Variants in NEK5 observed in about 807,000 individuals in gnomAD.
NEK5 encodes serine/threonine-protein kinase Nek5.
In NEK5, 88 loss-of-function variants were observed where a neutral mutation model predicts 109.2. That is an observed-to-expected ratio of 0.81 (90% CI 0.68 to 0.96). NEK5 has a LOEUF of 0.96. Ranked by LOEUF, NEK5 falls within the 40% of genes least tolerant of loss-of-function variation. The pLI, the probability that NEK5 is intolerant of heterozygous loss-of-function variation, is 0.00. For missense variants in NEK5, 834 were observed against 920.7 expected, an observed-to-expected ratio of 0.91 and a Z score of 1.22; for synonymous variants, 283 against 299.9, an observed-to-expected ratio of 0.94 and a Z score of 0.58.
chr13:52,064,322 C>T (rs1954649610), intron 21 of NEK5, among the ~76,000 whole-genome samples: 1 of 137,580 alleles, frequency 7.3e-6, no homozygotes, highest in Non-Finnish European at 1.6e-5. Context: ...AGCCCCTCTG[C>T]CTGGCCAGCC....
intron 23 of NEK5, among the ~76,000 whole-genome samples, chr13:52,047,844 A>C (rs1954472478): frequency 6.6e-6 from 1 of 152,220 alleles, no homozygotes; most frequent in Non-Finnish European, 1.5e-5. Flanking sequence ...TCCTGTCTCA[A>C]AACAAATGTT....
intron 8 of NEK5, among the ~76,000 whole-genome samples, 179 bp from the exon 9 acceptor site, chr13:52,104,731 C>T (rs1955617946): frequency 6.6e-6 from 1 of 152,090 alleles, no homozygotes; most frequent in South Asian, 2.1e-4. Flanking sequence ...AAAATGAAAA[C>T]CATTTGTAGT....
intron 4 of NEK5, among the ~76,000 whole-genome samples, chr13:52,115,114 G>T (rs559584937): frequency 6.6e-6 from 1 of 151,088 alleles, no homozygotes; most frequent in Non-Finnish European, 1.5e-5. Context: ...CTGGGTTCAC[G>T]CCATTCTCCT....
intron 9 of NEK5, among the ~76,000 whole-genome samples, chr13:52,103,020 T>C (rs2138015598): frequency 6.6e-6 from 1 of 152,346 alleles, no homozygotes; most frequent in South Asian, 2.1e-4. Flanking sequence ...TTTTTAAAAT[T>C]AACATAAACA....
chr13:52,089,157 C>T, intron 14 of NEK5, 90 bp downstream of exon 14: 1 of 812,176 alleles, frequency 1.2e-6, no homozygotes, highest in East Asian at 2.5e-5. Flanking sequence ...TCTTGACCTT[C>T]TGGTGGAATG....
intron 9 of NEK5, among the ~76,000 whole-genome samples, chr13:52,102,792 G>A (rs1040376451): frequency 1.4e-5 from 2 of 143,984 alleles, no homozygotes; most frequent in African/African-American, 4.9e-5. Flanking sequence ...AAGATGCCAT[G>A]TTATTTAAAA....
chr13:52,084,734 T>TGAGAGAGA (rs1170629594), intron 16 of NEK5, among the ~76,000 whole-genome samples: 6 of 110,076 alleles, frequency 5.5e-5, no homozygotes, highest in East Asian at 2.5e-4. Context: ...AGAGAGAGAG[T>TGAGAGAGA]GAGAGAGAGA....
rs377510689 is a variant in NEK5, at chr13:52,086,372, C to A, written c.1393-9G>T. On this transcript the variant is annotated splice_polypyrimidine_tract_variant and intron_variant, in intron 15 of 23. Coordinates refer to ENST00000684899, the MANE Select transcript of NEK5 (RefSeq NM_001365552.1). ...AACTGCTTCCAATATTCCTGGAAAG[C>A]AAACCCAATCCAGAAACTTTAAATG... The A allele has an allele frequency of 1.1e-4, 179 of 1,564,064 alleles. No individual in the cohort carries two copies. Among genetic ancestry groups the A allele is most frequent in the Non-Finnish European group, 1.5e-4 (171 of 1,135,176 alleles).
chr13:52,054,931 A>C (rs1020827901), intron 22 of NEK5, among the ~76,000 whole-genome samples: 1 of 149,244 alleles, frequency 6.7e-6, no homozygotes, highest in African/African-American at 2.5e-5. Flanking sequence ...CACCAGCAAC[A>C]GAACAAAGCT....
chr13:52,100,672 G>A (rs1437439026), intron 11 of NEK5, among the ~76,000 whole-genome samples: 1 of 151,960 alleles, frequency 6.6e-6, no homozygotes, highest in East Asian at 1.9e-4. Context: ...TCAGGAGTTC[G>A]AGACCAGCCT....
At chr13:52,101,757 A>G (rs994292844) in intron 11 of NEK5, among the ~76,000 whole-genome samples, 176 bp downstream of exon 11, 1 of 152,136 alleles carries the variant, frequency 6.6e-6, no homozygotes, top group Non-Finnish European at 1.5e-5. Flanking sequence ...CTAGATATAC[A>G]ACTTTCAGGC....
At chr13:52,065,187 G>C in intron 21 of NEK5, 1 of 489,944 alleles carries the variant, frequency 2.0e-6, no homozygotes, top group Non-Finnish European at 3.6e-6. Flanking sequence ...AGCTGGCCTT[G>C]GAAGGTAAAT....
At position 52,102,012 on chromosome 13, in the gene NEK5, G is replaced by T. The variant is rs1566801178; in HGVS notation, c.813C>A (p.Val271=). 1 of 1,613,952 alleles carries T rather than the reference G, an allele frequency of 6.2e-7. No individual in the cohort carries two copies. The highest frequency in any genetic ancestry group is 2.2e-5 in the East Asian group (1 of 44,878). The change falls in exon 11 of 24, where the codon GTC becomes GTA. Residue 271 remains valine, a splice_region_variant and synonymous_variant. Coordinates refer to ENST00000684899, the MANE Select transcript of NEK5 (RefSeq NM_001365552.1). ...GCATGTGACTGAATTCTTCCTGAAT[G>T]ACCTAAAACCGAACACACGTGTCAA... ...NLIPKYLTPE[V]IQEEFSHMLI... is the part of the protein sequence containing the mutation.
rs1439562173 is a variant in NEK5 at position 52,093,078 on chromosome 13, C to G, written c.1184G>C (p.Arg395Thr). 2 of 1,613,144 alleles carry G rather than the reference C, an allele frequency of 1.2e-6. No homozygotes were observed. Among genetic ancestry groups the G allele is most frequent in the Non-Finnish European group, 1.7e-6 (2 of 1,179,456 alleles). Residue 395 changes from arginine (R) to threonine (T), a missense_variant, in exon 13 of 24, where the codon AGG becomes ACG. By Grantham distance (71) the Arg-to-Thr change is moderately conservative. Around this residue, in one of 2 missense-constraint regions of NEK5, gnomAD observed 777 missense variants for 824.7 expected, o/e 0.94. Coordinates refer to ENST00000684899, the MANE Select transcript of NEK5 (RefSeq NM_001365552.1). ...CCATTGACTTGGGGATGGACCATGC[C>G]TCGTTTCCTGACCGTAATCCTCAAC... ...TGVEDYGQETRHGPSPSQWPA... is the reference protein window; with the variant it reads ...TGVEDYGQETTHGPSPSQWPA...
chr13:52,087,047 C>A (rs891927921), intron 15 of NEK5, among the ~76,000 whole-genome samples: 1 of 152,154 alleles, frequency 6.6e-6, no homozygotes, highest in Non-Finnish European at 1.5e-5. Flanking sequence ...TGTGTTAAGC[C>A]ACCTAGTTTG....
chr13:52,040,847 C>A (rs1017879801), intron 23 of NEK5, among the ~76,000 whole-genome samples: 18 of 152,122 alleles, frequency 1.2e-4, no homozygotes, highest in Non-Finnish European at 2.4e-4. Flanking sequence ...GTTTCCAGCC[C>A]ATACAAGTAT....
intron 22 of NEK5, among the ~76,000 whole-genome samples, chr13:52,054,156 G>A (rs557332421): frequency 6.6e-6 from 1 of 152,312 alleles, no homozygotes; most frequent in Admixed American, 6.5e-5. Flanking sequence ...AAACGTCCAT[G>A]TATTAACCTT....
chr13:52,097,161 C>T (rs577808459), intron 12 of NEK5, among the ~76,000 whole-genome samples: 116 of 152,312 alleles, frequency 7.6e-4, no homozygotes, highest in African/African-American at 1.1e-3. Context: ...AAAGCCTAGT[C>T]GTCCAGGCAG....
intron 23 of NEK5, among the ~76,000 whole-genome samples, chr13:52,038,762 T>C (rs1403374038): frequency 1.4e-5 from 2 of 140,412 alleles, no homozygotes; most frequent in South Asian, 2.3e-4. Flanking sequence ...GAGTTTACAG[T>C]TGTAATGAGC....
Sources: allele counts gnomAD v4.1 joint callset (sites outside exome capture counted in the v4.1 genomes callset), GRCh38; gene constraint gnomAD v4.1.1; regional missense constraint gnomAD v4.1.1; transcripts MANE v1.5; gene names NCBI Gene and HGNC (gene_info 2026-07-23, HGNC 2026-07-21).